Variants in OR11G2 observed in about 807,000 individuals in gnomAD.
OR11G2 encodes olfactory receptor family 11 subfamily G member 2, also known as olfactory receptor 11G2.
Under a neutral mutation model 0.9 loss-of-function variants are expected in OR11G2, and 2 were observed. The ratio of observed to expected loss-of-function variants is 2.35; its 90% CI spans 0.96 to 7.38. The LOEUF (loss-of-function observed/expected upper bound fraction) is 7.38, where lower values mean the gene tolerates loss of function less well. Among genes scored for constraint, OR11G2 ranks in the 30% most tolerant of loss-of-function variants. The pLI is 0.05. For synonymous variants in OR11G2, 153 were observed against 142.0 expected (o/e 1.08, Z -0.55); for missense variants, 395 against 371.3 (o/e 1.06, Z -0.52).
In OR11G2 at chr14:20,192,343, C is replaced by A. The variant is rs117028840; in HGVS notation, c.-5+677C>A. On this transcript the variant is annotated intron_variant, in intron 1 of 1. Transcript: ENST00000641879. Reference sequence around the variant, plus strand: ...AAATCATATAATCCAACTCCCATTTCATATAAAGAAAATGAAGCTTATACA... The same window carrying A: ...AAATCATATAATCCAACTCCCATTTAATATAAAGAAAATGAAGCTTATACA... Among the ~76,000 whole-genome samples, 75 of 152,312 alleles carry A rather than the reference C, an allele frequency of 4.9e-4. No individual in the cohort carries two copies. The East Asian group carries it at 9.6e-3, about 20-fold the overall frequency.
Position 20,197,904 on chromosome 14 carries a change from G to A in OR11G2, c.467G>A (p.Gly156Asp), listed in dbSNP as rs1384825039. ...CTTGTGGTCAATTGCTGGGTACTTGGTTTCATCTGGTTCTTGATTCCTATC... is the reference window on the plus strand; with the variant it reads ...CTTGTGGTCAATTGCTGGGTACTTGATTTCATCTGGTTCTTGATTCCTATC... ...TNLVVNCWVL[G>D]FIWFLIPIVN... The change falls in exon 2 of 2, where the codon GGT becomes GAT. Residue 156 changes from glycine (G) to aspartate (D), a missense_variant. By Grantham distance (94) the Gly-to-Asp change is moderately conservative. Transcript: ENST00000641879. 4 of 1,614,050 alleles carry A rather than the reference G, an allele frequency of 2.5e-6. No homozygotes were observed. Among genetic ancestry groups the A allele is most frequent in the African/African-American group, 1.3e-5 (1 of 74,986 alleles).
At position 20,190,999 on chromosome 14, in the gene OR11G2, C is replaced by T. The variant is rs1879640369; in HGVS notation, c.-672C>T. On this transcript the variant is annotated 5_prime_UTR_variant, in exon 1 of 2. Coordinates refer to ENST00000641879, the MANE Select transcript of OR11G2 (RefSeq NM_001386033.1). ...ATGGCTAACATAGAAAAGGCTACCTCTCCTCTCCAGGACAATCAGACAGTC... is the reference window on the plus strand; with the variant it reads ...ATGGCTAACATAGAAAAGGCTACCTTTCCTCTCCAGGACAATCAGACAGTC... 1.3e-5 allele frequency: 2 copies of T among 152,246 alleles called. No individual in the cohort carries two copies. Among genetic ancestry groups the T allele is most frequent in the South Asian group, 4.1e-4 (2 of 4,822 alleles). The allele number at this position is 152,246 out of a possible 1,614,324, so 9.4% of individuals were successfully genotyped here. A position where few individuals can be genotyped will look rare whatever the true frequency, so the allele number is the denominator to read the frequency against.
intron 1 of OR11G2, among the ~76,000 whole-genome samples, chr14:20,196,776 T>A (rs1478941720): frequency 2.0e-5 from 3 of 152,250 alleles, no homozygotes; most frequent in Non-Finnish European, 2.9e-5. Flanking sequence ...CCTGGTCTAC[T>A]GAGGATGGCT....
In OR11G2 at chr14:20,199,244, G is replaced by T. The variant is rs897904289; in HGVS notation, c.*871G>T. 3 of 152,166 alleles carry T rather than the reference G, an allele frequency of 2.0e-5. No homozygotes were observed. The highest frequency in any genetic ancestry group is 7.2e-5 in the African/African-American group (3 of 41,420). The allele number at this position is 152,166 out of a possible 1,614,324, so 9.4% of individuals were successfully genotyped here. On this transcript the variant is annotated 3_prime_UTR_variant, in exon 2 of 2. Transcript: ENST00000641879. ...CTGCTAGCTATTTTGGGGTCTCACCGTGTACACACAGCTTAGAAATCCAAA... is the reference window on the plus strand; with the variant it reads ...CTGCTAGCTATTTTGGGGTCTCACCTTGTACACACAGCTTAGAAATCCAAA...
intron 1 of OR11G2, among the ~76,000 whole-genome samples, chr14:20,195,078 C>T (rs543926769): frequency 6.6e-6 from 1 of 152,124 alleles, no homozygotes; most frequent in African/African-American, 2.4e-5. Flanking sequence ...TTACCAGAAC[C>T]TATTCCACCC....
chr14:20,198,658 G>A lies in OR11G2; in HGVS notation c.*285G>A, dbSNP rs1400088663. The A allele has an allele frequency of 7.5e-5, 14 of 187,192 alleles. No individual in the cohort carries two copies. Among genetic ancestry groups the A allele is most frequent in the African/African-American group, 3.1e-4 (13 of 42,162 alleles). The allele number at this position is 187,192 out of a possible 1,614,324, so 11.6% of individuals were successfully genotyped here. A position where few individuals can be genotyped will look rare whatever the true frequency, so the allele number is the denominator to read the frequency against. ...GCAGGAGAATGGCGTGAACCCGGGA[G>A]GCGGAGCTTGCAGTGAGCCGAGATC... On this transcript the variant is annotated 3_prime_UTR_variant, in exon 2 of 2. Coordinates refer to ENST00000641879, the MANE Select transcript of OR11G2 (RefSeq NM_001386033.1).
intron 1 of OR11G2, among the ~76,000 whole-genome samples, chr14:20,193,171 G>A (rs909258997): frequency 2.6e-5 from 4 of 152,158 alleles, no homozygotes; most frequent in African/African-American, 7.2e-5. Flanking sequence ...AGGCTGGAGT[G>A]CAGTGGTGCA....
chr14:20,197,191 A>G, intron 1 of OR11G2: 1 of 592,944 alleles, frequency 1.7e-6, no homozygotes, highest in Non-Finnish European at 2.9e-6. Context: ...ATTTTGGTCA[A>G]AAGTTTTCTT....
At position 20,198,731 on chromosome 14, in the gene OR11G2, G is replaced by GGA. The variant is rs1491331904; in HGVS notation, c.*358_*359insGA. 7.8e-6 allele frequency: 1 copy of GGA among 128,690 alleles called. No homozygotes were observed. Among genetic ancestry groups the GGA allele is most frequent in the Non-Finnish European group, 1.6e-5 (1 of 61,588 alleles). 8.0% of individuals were successfully genotyped at this position (128,690 alleles called of 1,614,324 possible). A position where few individuals can be genotyped will look rare whatever the true frequency, so the allele number is the denominator to read the frequency against. On this transcript the variant is annotated 3_prime_UTR_variant, in exon 2 of 2. Transcript: ENST00000641879. ...GCGACAGAGCGAGACTCTGTCTCAGGAAAAAAAAAAAAAAAAAACTGGTCT... is the reference window on the plus strand; with the variant it reads ...GCGACAGAGCGAGACTCTGTCTCAGGGAAAAAAAAAAAAAAAAAAACTGGTCT...
In OR11G2 at chr14:20,197,538, T is replaced by C; in HGVS notation, c.101T>C (p.Leu34Pro). Residue 34 changes from leucine (L) to proline (P), a missense_variant, in exon 2 of 2, where the codon CTC becomes CCC. Physicochemically the swap from Leu to Pro is moderately conservative, Grantham distance 98 (BLOSUM62 -3). Transcript: ENST00000641879. The part of the protein sequence containing the change: ...PREGQILLFV[L>P]FTVVYLLTLM... ...GAGGGGCAGATCCTCCTCTTTGTGC[T>C]CTTCACTGTTGTTTACCTCCTGACC... 1 of 1,614,132 alleles carries C rather than the reference T, an allele frequency of 6.2e-7. No individual in the cohort carries two copies. Among genetic ancestry groups the C allele is most frequent in the Non-Finnish European group, 8.5e-7 (1 of 1,180,004 alleles).
chr14:20,200,001 C>G lies in OR11G2; in HGVS notation c.*1628C>G, dbSNP rs910394095. On this transcript the variant is annotated 3_prime_UTR_variant, in exon 2 of 2. Coordinates refer to ENST00000641879, the MANE Select transcript of OR11G2 (RefSeq NM_001386033.1). ...AGTCACCCAGAATTTGTATTAGAAGCTTGGGCTAGTTCTCCTTGAACTTTC... is the reference window on the plus strand; with the variant it reads ...AGTCACCCAGAATTTGTATTAGAAGGTTGGGCTAGTTCTCCTTGAACTTTC... 6.6e-6 allele frequency: 1 copy of G among 151,966 alleles called. No individual in the cohort carries two copies. Among genetic ancestry groups the G allele is most frequent in the Non-Finnish European group, 1.5e-5 (1 of 67,998 alleles). 9.4% of individuals were successfully genotyped at this position (151,966 alleles called of 1,614,324 possible).
At position 20,199,577 on chromosome 14, in the gene OR11G2, ATGG is replaced by A. The variant is rs1377083494; in HGVS notation, c.*1206_*1208del. 6.6e-6 allele frequency: 1 copy of A among 152,156 alleles called. No homozygotes were observed. The highest frequency in any genetic ancestry group is 1.5e-5 in the Non-Finnish European group (1 of 68,026). The allele number at this position is 152,156 out of a possible 1,614,324, so 9.4% of individuals were successfully genotyped here. ...TGTCAGTTGCTCTGAGTGCCTTCAA[ATGG>A]TTGTTTTATGTATTTTGTCCAGATT... On this transcript the variant is annotated 3_prime_UTR_variant, in exon 2 of 2. Transcript: ENST00000641879.
At chr14:20,196,781 A>G (rs1478430240) in intron 1 of OR11G2, among the ~76,000 whole-genome samples, 1 of 152,220 alleles carries the variant, frequency 6.6e-6, no homozygotes, top group Non-Finnish European at 1.5e-5. Flanking sequence ...TCTACTGAGG[A>G]TGGCTAGGAC....
rs973320267 is a variant in OR11G2, at chr14:20,200,019, G to A, written c.*1646G>A. ...TTAGAAGCTTGGGCTAGTTCTCCTT[G>A]AACTTTCCCCTAGGCCTGGAGTGAA... On this transcript the variant is annotated 3_prime_UTR_variant, in exon 2 of 2. Transcript: ENST00000641879. The A allele has an allele frequency of 2.0e-5, 3 of 152,094 alleles. No homozygotes were observed. Among genetic ancestry groups the A allele is most frequent in the Admixed American group, 2.0e-4 (3 of 15,272 alleles). The allele number at this position is 152,094 out of a possible 1,614,324, so 9.4% of individuals were successfully genotyped here.
At chr14:20,195,266 G>A (rs769406948) in intron 1 of OR11G2, among the ~76,000 whole-genome samples, 14 of 152,276 alleles carry the variant, frequency 9.2e-5, no homozygotes, top group Admixed American at 5.9e-4. Context: ...GTGGCTGGGC[G>A]CAGTGGCTCA....
At position 20,198,925 on chromosome 14, in the gene OR11G2, A is replaced by G. The variant is rs11159353; in HGVS notation, c.*552A>G. On this transcript the variant is annotated 3_prime_UTR_variant, in exon 2 of 2. Transcript: ENST00000641879. ...ATTTTAAAAACTATAAAGACAATAT[A>G]TGCAGTAATGAAGGTTTTGTTCTAG... 120,174 of 152,244 alleles carry G rather than the reference A, an allele frequency of 0.79. 47,519 individuals are homozygous for G. Among genetic ancestry groups the G allele is most frequent in the South Asian group, 0.86 (4,158 of 4,826 alleles). The allele number at this position is 152,244 out of a possible 1,614,324, so 9.4% of individuals were successfully genotyped here.
rs1163623977 is a variant in OR11G2 at position 20,198,837 on chromosome 14, C to T, written c.*464C>T. On this transcript the variant is annotated 3_prime_UTR_variant, in exon 2 of 2. Coordinates refer to ENST00000641879, the MANE Select transcript of OR11G2 (RefSeq NM_001386033.1). ...GTTTCTGTTATTTCTCCTTTCAGAT[C>T]TTGATTATTTGCCCAGTTGTGTAAC... 1 of 152,234 alleles carries T rather than the reference C, an allele frequency of 6.6e-6. No individual in the cohort carries two copies. The highest frequency in any genetic ancestry group is 1.5e-5 in the Non-Finnish European group (1 of 68,402). The allele number at this position is 152,234 out of a possible 1,614,324, so 9.4% of individuals were successfully genotyped here.
In OR11G2 at chr14:20,197,447, T is replaced by C; in HGVS notation, c.10T>C (p.Phe4Leu). 1 of 1,613,988 alleles carries C rather than the reference T, an allele frequency of 6.2e-7. No homozygotes were observed. Among genetic ancestry groups the C allele is most frequent in the Non-Finnish European group, 8.5e-7 (1 of 1,180,012 alleles). ...TACAATTCACAGGCACATGAAAATC[T>C]TCAACAGCCCCAGCAACTCCAGCAC... The part of the protein sequence containing the change: MKI[F>L]NSPSNSSTFT... Residue 4 changes from phenylalanine to leucine, a missense_variant, in exon 2 of 2, where the codon TTC becomes CTC. Coordinates refer to ENST00000641879, the MANE Select transcript of OR11G2 (RefSeq NM_001386033.1).
At chr14:20,194,896 A>G (rs1317173901) in intron 1 of OR11G2, among the ~76,000 whole-genome samples, 1 of 152,222 alleles carries the variant, frequency 6.6e-6, no homozygotes, top group African/African-American at 2.4e-5. Context: ...AAACTGGTGC[A>G]GAGTGACTTT....
Sources: allele counts gnomAD v4.1 joint callset (sites outside exome capture counted in the v4.1 genomes callset), GRCh38; gene constraint gnomAD v4.1.1; transcripts MANE v1.5; gene names NCBI Gene and HGNC (gene_info 2026-07-23, HGNC 2026-07-21).